Variants in ADCY2 observed in about 807,000 individuals in gnomAD.
The protein encoded by ADCY2 is adenylate cyclase 2.
In ADCY2, 31 loss-of-function variants were observed where a neutral mutation model predicts 125.2. The observed-to-expected ratio is 0.25, with a 90% CI of 0.19 to 0.33. The LOEUF (loss-of-function observed/expected upper bound fraction) is 0.33. ADCY2 is among the 10% of genes least tolerant of loss of function. The probability of loss-of-function intolerance (pLI) is 1.00; values close to 1 mark genes in which losing one functional copy is unlikely to be tolerated. For synonymous variants in ADCY2, 512 were observed against 548.4 expected (o/e 0.93, Z 0.93); for missense variants, 904 against 1,418.2 (o/e 0.64, Z 5.82).
At chr5:7,746,793 A>G (rs955827313) in intron 15 of ADCY2, among the ~76,000 whole-genome samples, 6 of 152,240 alleles carry the variant, frequency 3.9e-5, no homozygotes, top group Non-Finnish European at 8.8e-5. Flanking sequence ...AAGAAATAAC[A>G]TAAAATGTAA....
rs149319265 is a variant in ADCY2, at chr5:7,777,335, A to C, written c.2384+4234A>C. On this transcript the variant is annotated intron_variant, in intron 18 of 24. Coordinates refer to ENST00000338316, the MANE Select transcript of ADCY2 (RefSeq NM_020546.3). ...GCAGAAGAGAAGATCTGAACTAAAT[A>C]CCATGGCTTATGAACAGTGCCTGCA... is the stretch of plus-strand genomic sequence containing the variant. 2.4e-3 allele frequency among the ~76,000 whole-genome samples: 358 copies of C among 152,336 alleles called. 3 individuals are homozygous for C. The highest frequency in any genetic ancestry group is 8.2e-3 in the African/African-American group (341 of 41,570).
intron 3 of ADCY2, among the ~76,000 whole-genome samples, chr5:7,570,102 G>A (rs1402288493): frequency 6.6e-6 from 1 of 152,036 alleles, no homozygotes; most frequent in African/African-American, 2.4e-5. Flanking sequence ...ACTTCTGCTT[G>A]AAAATTTCAC....
At chr5:7,712,552 G>A (rs6882240) in intron 10 of ADCY2, among the ~76,000 whole-genome samples, 6,772 of 152,170 alleles carry the variant, frequency 0.045, 504 homozygotes, top group African/African-American at 0.15. Context: ...ATCAGTCGCC[G>A]GCAGGCCACT....
intron 3 of ADCY2, among the ~76,000 whole-genome samples, chr5:7,618,999 T>C (rs1044118533): frequency 6.6e-6 from 1 of 152,248 alleles, no homozygotes; most frequent in African/African-American, 2.4e-5. Flanking sequence ...CCAGCATTTT[T>C]AGTAAGCCTC....
At chr5:7,459,798 T>C (rs1446800522) in intron 2 of ADCY2, among the ~76,000 whole-genome samples, 2 of 132,980 alleles carry the variant, frequency 1.5e-5, no homozygotes, top group Admixed American at 1.5e-4. Context: ...TTTTTTTTTT[T>C]TTTTTTTGAC....
chr5:7,506,328 A>G (rs1347546710), intron 2 of ADCY2, among the ~76,000 whole-genome samples: 3 of 152,202 alleles, frequency 2.0e-5, no homozygotes, highest in African/African-American at 4.8e-5. Flanking sequence ...ATGTTTTTAT[A>G]TATAGGCCAG....
At chr5:7,640,832 T>G (rs1738677060) in intron 4 of ADCY2, among the ~76,000 whole-genome samples, 1 of 152,176 alleles carries the variant, frequency 6.6e-6, no homozygotes, top group African/African-American at 2.4e-5. Flanking sequence ...CTTGCTATCT[T>G]TCTTTACCCT....
intron 7 of ADCY2, among the ~76,000 whole-genome samples, chr5:7,699,160 G>C (rs1186158305): frequency 6.6e-4 from 84 of 126,416 alleles, no homozygotes; most frequent in African/African-American, 2.4e-3. Context: ...TGCAGTGGCG[G>C]GATCTCGGCT....
At chr5:7,549,258 A>C (rs1039578123) in intron 3 of ADCY2, among the ~76,000 whole-genome samples, 3 of 152,200 alleles carry the variant, frequency 2.0e-5, no homozygotes, top group African/African-American at 7.2e-5. Context: ...AGTGGGCTGC[A>C]GTTCTCACAC....
chr5:7,426,838 T>A (rs1184436239), intron 2 of ADCY2, among the ~76,000 whole-genome samples: 1 of 152,122 alleles, frequency 6.6e-6, no homozygotes, highest in Non-Finnish European at 1.5e-5. Flanking sequence ...CTAAAGAGTG[T>A]GACCCAAATG....
chr5:7,509,706 A>G (rs1479217671), intron 2 of ADCY2, among the ~76,000 whole-genome samples: 1 of 152,218 alleles, frequency 6.6e-6, no homozygotes, highest in African/African-American at 2.4e-5. Context: ...TTTGCTTAAT[A>G]ATATAACATT....
chr5:7,522,875 G>A (rs1325041088), intron 3 of ADCY2, among the ~76,000 whole-genome samples: 3 of 150,884 alleles, frequency 2.0e-5, no homozygotes, highest in African/African-American at 4.9e-5. Flanking sequence ...GCAGTGAGCC[G>A]AGATCGCGCC....
At chr5:7,632,487 A>G (rs1738349228) in intron 4 of ADCY2, among the ~76,000 whole-genome samples, 3 of 152,296 alleles carry the variant, frequency 2.0e-5, no homozygotes, top group South Asian at 4.2e-4. Flanking sequence ...TGCAGAGGGC[A>G]TAGCTTAAGC....
intron 3 of ADCY2, among the ~76,000 whole-genome samples, chr5:7,610,179 G>A (rs13359653): frequency 0.035 from 5,258 of 152,258 alleles, 303 homozygotes; most frequent in African/African-American, 0.12. Flanking sequence ...GTGTTATTTC[G>A]ATGGTGTTGA....
intron 12 of ADCY2, 78 bp from the exon 13 acceptor site, chr5:7,724,467 C>CA: frequency 9.1e-7 from 1 of 1,098,382 alleles, no homozygotes; most frequent in Non-Finnish European, 1.4e-6. Context: ...AAGAAGATCG[C>CA]AAGTCATTTT....
Position 7,766,750 on chromosome 5 carries a change from T to C in ADCY2, c.2158T>C (p.Ser720Pro). Reference sequence around the variant, plus strand: ...TGCCAACACAACAAACACAAGCTTTTCAGCCTCAAATAATCAGGTGGCGAT... The same window carrying C: ...TGCCAACACAACAAACACAAGCTTTCCAGCCTCAAATAATCAGGTGGCGAT... ...PTANTTNTSF[S>P]ASNNQVAILR... Residue 720 changes from serine to proline, a missense_variant, in exon 17 of 25, where the codon TCA (serine) becomes CCA (proline). Physicochemically the swap from Ser to Pro is moderately conservative, Grantham distance 74. Around this residue, in one of 7 missense-constraint regions of ADCY2, gnomAD observed 221 missense variants for 246.2 expected, o/e 0.90. Transcript: ENST00000338316. The C allele has an allele frequency of 6.2e-7, 1 of 1,613,004 alleles. No individual in the cohort carries two copies. The highest frequency in any genetic ancestry group is 8.5e-7 in the Non-Finnish European group (1 of 1,179,750).
chr5:7,673,239 CAAA>C (rs1197772883), intron 4 of ADCY2, among the ~76,000 whole-genome samples: 2 of 5,228 alleles, frequency 3.8e-4, no homozygotes, highest in African/African-American at 8.8e-4. Flanking sequence ...CTTGTCTCTC[CAAA>C]AAAAAAAAAA....
intron 19 of ADCY2, 73 bp downstream of exon 19, chr5:7,784,522 T>A: frequency 9.0e-7 from 1 of 1,106,370 alleles, no homozygotes; most frequent in Non-Finnish European, 1.3e-6. Context: ...TTGCTGTGCA[T>A]TGTAGTTAAT....
chr5:7,508,780 G>A (rs905370453), intron 2 of ADCY2, among the ~76,000 whole-genome samples: 2 of 152,162 alleles, frequency 1.3e-5, no homozygotes, highest in African/African-American at 4.8e-5. Flanking sequence ...GGAAACCGAG[G>A]AAAATGCAAG....
Sources: gnomAD v4.1 joint callset for allele counts (sites outside exome capture counted in the v4.1 genomes callset) on GRCh38, gnomAD v4.1.1 for gene constraint, gnomAD v4.1.1 regional missense constraint, MANE v1.5 for transcripts, NCBI Gene and HGNC (gene_info 2026-07-23, HGNC 2026-07-21) for gene names.